The following KCNC4 variants were observed in gnomAD, a reference collection of about 807,000 sequenced individuals.
The protein encoded by KCNC4 is voltage-gated potassium channel KCNC4.
In KCNC4, 23 loss-of-function variants were observed where a neutral mutation model predicts 42.8. The observed-to-expected ratio is 0.54, with a 90% CI of 0.39 to 0.76. The LOEUF (loss-of-function observed/expected upper bound fraction) is 0.76, where lower values mean the gene tolerates loss of function less well. KCNC4 is among the 30% of genes least tolerant of loss of function. The pLI is 0.00. For synonymous variants in KCNC4, 422 were observed against 393.5 expected (o/e 1.07, Z -0.86); for missense variants, 751 against 898.2 (o/e 0.84, Z 2.10).
chr1:110,239,968 G>A (rs1384188522), exon 4 of KCNC4: 1 of 152,244 alleles, frequency 6.6e-6, no homozygotes, highest in African/African-American at 2.4e-5. Context: ...TAGGTGCTCA[G>A]CGAAATGTTG....
intron 1 of KCNC4, among the ~76,000 whole-genome samples, chr1:110,269,511 C>T (rs1272829936): frequency 6.6e-6 from 1 of 152,104 alleles, no homozygotes; most frequent in Non-Finnish European, 1.5e-5. Context: ...AGGTAGTATT[C>T]TGAAGTATGG....
At chr1:110,256,713 G>C (rs1181913234) in intron 1 of KCNC4, 1 of 153,472 alleles carries the variant, frequency 6.5e-6, no homozygotes, top group Non-Finnish European at 1.5e-5. Flanking sequence ...AGTCTGCAGT[G>C]GACGGGAAGC....
At chr1:110,221,210 C>T (rs1226921566) in intron 1 of KCNC4, 2 of 152,208 alleles carry the variant, frequency 1.3e-5, no homozygotes, top group African/African-American at 4.8e-5. Context: ...GTGGTGAAAA[C>T]ACTGTGGTAT....
At chr1:110,239,991 G>A (rs1264123927) in exon 4 of KCNC4, 1 of 152,028 alleles carries the variant, frequency 6.6e-6, no homozygotes, top group Admixed American at 6.6e-5. Context: ...GTGAATGAAG[G>A]ATATGGTGAG....
chr1:110,212,536 TACG>T (rs1657542898), intron 1 of KCNC4, among the ~76,000 whole-genome samples: 1 of 152,124 alleles, frequency 6.6e-6, no homozygotes, highest in Non-Finnish European at 1.5e-5. Flanking sequence ...CACACAGGAC[TACG>T]GTCCTGGAAG....
At chr1:110,226,416 G>A (rs758002363) in intron 3 of KCNC4, 15 of 562,542 alleles carry the variant, frequency 2.7e-5, no homozygotes, top group East Asian at 9.3e-5. Context: ...AAAGAGCAGC[G>A]CTAGAGGGTA....
chr1:110,264,876 G>T (rs186435472), intron 1 of KCNC4, among the ~76,000 whole-genome samples: 71 of 152,272 alleles, frequency 4.7e-4, no homozygotes, highest in African/African-American at 1.3e-3. Context: ...AAGGTCGGGA[G>T]TTCGAAACCA....
chr1:110,246,970 C>T (rs1380757448), exon 4 of KCNC4: 1 of 152,098 alleles, frequency 6.6e-6, no homozygotes, highest in Non-Finnish European at 1.5e-5. Context: ...CTCTCTACAT[C>T]CATGTGTACA....
intron 3 of KCNC4, 151 bp from the exon 4 acceptor site, chr1:110,232,760 C>G (rs72990520): frequency 6.5e-7 from 1 of 1,535,886 alleles, no homozygotes; most frequent in Non-Finnish European, 8.7e-7. Flanking sequence ...TTAGCCCACA[C>G]CCTGTGGGTC....
chr1:110,225,918 C>T, intron 2 of KCNC4, 57 bp from the exon 3 acceptor site: 1 of 1,485,106 alleles, frequency 6.7e-7, no homozygotes, highest in African/African-American at 1.4e-5. Context: ...CCAGATGACC[C>T]ATGAGCAAGG....
intron 1 of KCNC4, among the ~76,000 whole-genome samples, chr1:110,281,798 G>T (rs1447610883): frequency 1.3e-5 from 2 of 152,212 alleles, no homozygotes; most frequent in Admixed American, 1.3e-4. Flanking sequence ...GCAGGGACTT[G>T]GCTTCAATCT....
rs1553209972 is a variant in KCNC4 at position 110,210,617 on chromosome 1, G to GCCCAGAGCCCGGCTC, written c.-874_-860dup. On this transcript the variant is annotated 5_prime_UTR_variant, in exon 1 of 4. Coordinates refer to ENST00000438661, the MANE Select transcript of KCNC4 (RefSeq NM_001039574.3). ...CCGCCCCCGGTACACCTTCGCCAGTGCCCAGAGCCCGGCTCCCCAGAGCGG... is the reference window on the plus strand; with the variant it reads ...CCGCCCCCGGTACACCTTCGCCAGTGCCCAGAGCCCGGCTCCCCAGAGCCCGGCTCCCCAGAGCGG... Among the ~76,000 whole-genome samples, 1 of 151,054 alleles carries GCCCAGAGCCCGGCTC rather than the reference G, an allele frequency of 6.6e-6. No homozygotes were observed. The highest frequency in any genetic ancestry group is 1.9e-4 in the East Asian group (1 of 5,134).
rs1265798152 is a variant in KCNC4, at chr1:110,224,027, CT to C, written c.1615+130del. 7 of 786,776 alleles carry C rather than the reference CT, an allele frequency of 8.9e-6. No individual in the cohort carries two copies. In the East Asian group the frequency reaches 1.9e-4, roughly 21 times the overall value. 48.7% of individuals were successfully genotyped at this position (786,776 alleles called of 1,614,324 possible). On this transcript the variant is annotated intron_variant, in intron 2 of 3. Coordinates refer to ENST00000438661, the MANE Select transcript of KCNC4 (RefSeq NM_001039574.3). The stretch of plus-strand genomic sequence containing the variant: ...GGCTTCCCTAAGCATAAAGATGTGC[CT>C]TTATGAGGGCAAAGTGTTGAGGCCG...
rs372733982 is a variant in KCNC4, at chr1:110,225,911, G to C, written c.1616-64G>C. 24 of 1,451,614 alleles carry C rather than the reference G, an allele frequency of 1.7e-5. 1 individual carries two copies. The African/African-American group carries it at 2.4e-4, about 15-fold the overall frequency. The allele number at this position is 1,451,614 out of a possible 1,614,324, so 89.9% of individuals were successfully genotyped here. On this transcript the variant is annotated intron_variant, in intron 2 of 3. Coordinates refer to ENST00000438661, the MANE Select transcript of KCNC4 (RefSeq NM_001039574.3). ...AACACTCTGGGTCTGGGAGACCCCAGATGACCCATGAGCAAGGCTCAGGTC... is the reference window on the plus strand; with the variant it reads ...AACACTCTGGGTCTGGGAGACCCCACATGACCCATGAGCAAGGCTCAGGTC...
chr1:110,274,807 C>T (rs115574799), intron 1 of KCNC4, among the ~76,000 whole-genome samples: 135 of 152,254 alleles, frequency 8.9e-4, no homozygotes, highest in African/African-American at 2.9e-3. Flanking sequence ...AATTGGATTG[C>T]TATATGCAGA....
At chr1:110,240,834 CTG>C (rs1659018416) in exon 4 of KCNC4, 1 of 152,334 alleles carries the variant, frequency 6.6e-6, no homozygotes, top group Non-Finnish European at 1.5e-5. Context: ...AGAGACCAGT[CTG>C]TGCTATCCTC....
rs1433384129 is a variant in KCNC4, at chr1:110,226,032, T to C, written c.1673T>C (p.Leu558Pro). The C allele has an allele frequency of 6.2e-7, 1 of 1,613,442 alleles. No individual in the cohort carries two copies. Among genetic ancestry groups the C allele is most frequent in the Non-Finnish European group, 8.5e-7 (1 of 1,179,734 alleles). The change falls in exon 3 of 4, where the codon CTC becomes CCC. Residue 558 changes from leucine to proline, a missense_variant. Physicochemically the swap from Leu to Pro is moderately conservative, Grantham distance 98. This residue lies in a region of KCNC4 where 202 missense variants were observed against 181.5 expected (regional missense o/e 1.11). Coordinates refer to ENST00000438661, the MANE Select transcript of KCNC4 (RefSeq NM_001039574.3). ...CTGTCTGATGAGGAGGGAGCTGGCC[T>C]CACCCAACCCCTGGCCTCCTCCCCG... ...AVLSDEEGAG[L>P]TQPLASSPTP...
chr1:110,250,691 C>A (rs1362275884), downstream of KCNC4, among the ~76,000 whole-genome samples: 1 of 152,136 alleles, frequency 6.6e-6, no homozygotes, highest in Non-Finnish European at 1.5e-5. Flanking sequence ...AGTCATCCTA[C>A]AAACATGCAG....
chr1:110,273,032 C>T (rs1001952188), intron 1 of KCNC4, among the ~76,000 whole-genome samples: 4 of 152,164 alleles, frequency 2.6e-5, no homozygotes, highest in African/African-American at 7.2e-5. Context: ...GACAATTGGC[C>T]TTGGCAGAAT....
Sources: gnomAD v4.1 joint callset for allele counts (sites outside exome capture counted in the v4.1 genomes callset) on GRCh38, gnomAD v4.1.1 for gene constraint, gnomAD v4.1.1 regional missense constraint, MANE v1.5 for transcripts, NCBI Gene and HGNC (gene_info 2026-07-23, HGNC 2026-07-21) for gene names.